SYT14: variants seen among roughly 807,000 people sequenced by gnomAD.
The protein encoded by SYT14 is synaptotagmin-14.
A neutral mutation model predicts 74.2 loss-of-function variants in SYT14; 32 were observed. That is an observed-to-expected ratio of 0.43 (90% CI 0.33 to 0.58). SYT14 has a LOEUF of 0.58. Ranked by LOEUF, SYT14 falls within the 20% of genes least tolerant of loss-of-function variation. The probability of loss-of-function intolerance (pLI) is 0.05; values close to 1 mark genes in which losing one functional copy is unlikely to be tolerated. For missense variants in SYT14, 791 were observed against 981.8 expected, an observed-to-expected ratio of 0.81 and a Z score of 2.60; for synonymous variants, 298 against 337.7, an observed-to-expected ratio of 0.88 and a Z score of 1.29.
chr1:209,988,514 C>T (rs2079609940), intron 2 of SYT14, among the ~76,000 whole-genome samples: 1 of 151,920 alleles, frequency 6.6e-6, no homozygotes. Flanking sequence ...GTGAAGTTTC[C>T]CTTGTTGAGT....
chr1:210,030,124 T>C (rs992003308), intron 5 of SYT14, among the ~76,000 whole-genome samples: 1 of 151,656 alleles, frequency 6.6e-6, no homozygotes, highest in African/African-American at 2.4e-5. Context: ...TGGATTTGTT[T>C]ATTAGTTTTT....
chr1:209,988,952 C>T (rs2079617860), intron 2 of SYT14, among the ~76,000 whole-genome samples: 1 of 152,208 alleles, frequency 6.6e-6, no homozygotes. Flanking sequence ...CACTTGGCTT[C>T]TTCATACTCC....
intron 4 of SYT14, among the ~76,000 whole-genome samples, chr1:210,019,131 CAAAAA>C (rs1215149823): frequency 7.1e-5 from 4 of 56,682 alleles, no homozygotes; most frequent in African/African-American, 2.8e-4. Context: ...TGAGACTCCT[CAAAAA>C]AAAAAAAAAA....
At chr1:210,135,016 T>G (rs2082753192) in intron 7 of SYT14, among the ~76,000 whole-genome samples, 2 of 151,968 alleles carry the variant, frequency 1.3e-5, no homozygotes, top group Non-Finnish European at 2.9e-5. Context: ...AGTCTCACTC[T>G]GTCACCCAGG....
intron 2 of SYT14, among the ~76,000 whole-genome samples, chr1:209,960,803 ATATCC>A (rs2079064738): frequency 6.6e-6 from 1 of 152,196 alleles, no homozygotes; most frequent in South Asian, 2.1e-4. Context: ...GCTACAATAG[ATATCC>A]TATATCTGTT....
At chr1:210,040,518 A>G (rs1014569793) in intron 5 of SYT14, among the ~76,000 whole-genome samples, 8 of 152,000 alleles carry the variant, frequency 5.3e-5, no homozygotes, top group African/African-American at 1.7e-4. Context: ...TGTAATTTAA[A>G]AAAAAAAAAG....
chr1:210,098,481 A>G (rs1255251224), intron 6 of SYT14, among the ~76,000 whole-genome samples: 1 of 152,072 alleles, frequency 6.6e-6, no homozygotes, highest in Non-Finnish European at 1.5e-5. Context: ...CCTAGTCCAC[A>G]TGGTCTGAGC....
chr1:209,985,736 A>T (rs187348445), intron 2 of SYT14, among the ~76,000 whole-genome samples: 3 of 152,312 alleles, frequency 2.0e-5, no homozygotes, highest in East Asian at 3.9e-4. Flanking sequence ...GCTTTTCTAA[A>T]CATCTTTGAA....
At chr1:210,059,447 T>TAGAGAGAGAG (rs1466056446) in intron 5 of SYT14, among the ~76,000 whole-genome samples, 114 of 94,716 alleles carry the variant, frequency 1.2e-3, no homozygotes, top group South Asian at 2.2e-3. Flanking sequence ...TATATATATA[T>TAGAGAGAGAG]ATATAGAGAG....
chr1:210,134,514 C>T (rs560083790), intron 7 of SYT14, among the ~76,000 whole-genome samples: 6 of 152,196 alleles, frequency 3.9e-5, no homozygotes, highest in African/African-American at 7.2e-5. Context: ...TGAAATAGAG[C>T]CCTGAGTTTC....
intron 2 of SYT14, among the ~76,000 whole-genome samples, chr1:209,990,547 A>ACGTATATATACGTATATATACG (rs1553262362): frequency 8.1e-4 from 4 of 4,948 alleles, no homozygotes; most frequent in East Asian, 6.2e-3. Flanking sequence ...ACGTATATAT[A>ACGTATATATACGTATATATACG]TGTATATATA....
At chr1:210,073,216 T>A (rs1057493504) in intron 5 of SYT14, among the ~76,000 whole-genome samples, 3 of 151,980 alleles carry the variant, frequency 2.0e-5, no homozygotes, top group Non-Finnish European at 4.4e-5. Flanking sequence ...AAAACATTAA[T>A]GCAAAGATTT....
rs71146203 is a variant in SYT14, at chr1:210,000,613, C to CTTTTTT, written c.-485-13006_-485-13001dup. On this transcript the variant is annotated intron_variant, in intron 2 of 9. Coordinates refer to ENST00000637265, the Ensembl canonical transcript of SYT14. ...TTTCATTAGGGCTGTTTTATGCCTT[C>CTTTTTT]TTTTTTTTTTTTTTTTTTTGAGATA... is the stretch of plus-strand genomic sequence containing the variant. Among the ~76,000 whole-genome samples the CTTTTTT allele has an allele frequency of 1.5e-4, 16 of 105,416 alleles. 2 individuals are homozygous for CTTTTTT. The highest frequency in any genetic ancestry group is 6.3e-4 in the Admixed American group (5 of 7,884). The allele number at this position is 105,416 out of a possible 152,430, so 69.2% of individuals were successfully genotyped here.
chr1:210,132,585 G>GTGTA, intron 7 of SYT14, among the ~76,000 whole-genome samples: 1 of 151,754 alleles, frequency 6.6e-6, no homozygotes, highest in Non-Finnish European at 1.5e-5. Flanking sequence ...GTGTGTGTGT[G>GTGTA]TGTGTGTGTG....
intron 2 of SYT14, among the ~76,000 whole-genome samples, chr1:209,989,401 G>A (rs1364848949): frequency 6.6e-6 from 1 of 152,076 alleles, no homozygotes; most frequent in Non-Finnish European, 1.5e-5. Context: ...GGACAATGTA[G>A]GTTTATGAAT....
intron 4 of SYT14, among the ~76,000 whole-genome samples, chr1:210,020,683 G>A (rs1195060858): frequency 2.6e-5 from 4 of 152,140 alleles, no homozygotes; most frequent in African/African-American, 7.2e-5. Context: ...TTTAAAAAAT[G>A]TAAATTGGTA....
At chr1:210,076,706 C>T (rs573120648) in intron 5 of SYT14, among the ~76,000 whole-genome samples, 4 of 152,126 alleles carry the variant, frequency 2.6e-5, no homozygotes, top group Non-Finnish European at 5.9e-5. Flanking sequence ...GGGGAGCCAG[C>T]GCTTCACATG....
chr1:210,016,862 ATT>A lies in SYT14; in HGVS notation c.862_863del (p.Leu288AspfsTer4). ...AGGAAATGAATGTTCTTTAAAAGAT[ATT>A]TTGACAAGCAATAGGCATATGACAC... On this transcript the variant is annotated frameshift_variant, in exon 4 of 10. Coordinates refer to ENST00000637265, the Ensembl canonical transcript of SYT14. LOFTEE classifies it high-confidence loss of function. 1 of 1,231,830 alleles carries A rather than the reference ATT, an allele frequency of 8.1e-7. No homozygotes were observed. The highest frequency in any genetic ancestry group is 1.0e-6 in the Non-Finnish European group (1 of 987,798). 76.3% of individuals were successfully genotyped at this position (1,231,830 alleles called of 1,614,324 possible).
intron 7 of SYT14, among the ~76,000 whole-genome samples, chr1:210,150,484 TCTC>T (rs1212862248): frequency 2.0e-5 from 3 of 152,192 alleles, no homozygotes; most frequent in Non-Finnish European, 4.4e-5. Flanking sequence ...CCTCTGGTGA[TCTC>T]CTCCTTACCT....
Sources: allele counts gnomAD v4.1 joint callset (sites outside exome capture counted in the v4.1 genomes callset), GRCh38; gene constraint gnomAD v4.1.1; transcripts MANE v1.5; gene names NCBI Gene and HGNC (gene_info 2026-07-23, HGNC 2026-07-21).